Variants in HNF4G observed in about 807,000 individuals in gnomAD.
The protein encoded by HNF4G is hepatocyte nuclear factor 4-gamma.
HNF4G carries 21 observed loss-of-function variants against 50.9 expected under a neutral mutation model. That is an observed-to-expected ratio of 0.41 (90% CI 0.29 to 0.59). The LOEUF (loss-of-function observed/expected upper bound fraction) is 0.59. Among genes scored for constraint, HNF4G ranks in the 20% least tolerant of loss-of-function variants. The pLI is 0.26. For missense variants in HNF4G, 527 were observed against 559.4 expected (o/e 0.94, Z 0.58); for synonymous variants, 198 against 185.6 (o/e 1.07, Z -0.54).
chr8:75,480,525 A>C (rs893694335), intron 1 of HNF4G, among the ~76,000 whole-genome samples: 2 of 152,178 alleles, frequency 1.3e-5, no homozygotes, highest in Admixed American at 1.3e-4. Flanking sequence ...CAACTTTATT[A>C]ATTTTTTGTA....
rs1436855949 is a variant in HNF4G at position 75,565,059 on chromosome 8, T to C, written c.*963T>C. ...AATAACACTTTAGGAGAGATATCAT[T>C]ATCGCTGTTTTATAAATAAGGGAAA... On this transcript the variant is annotated 3_prime_UTR_variant, in exon 10 of 10. Coordinates refer to ENST00000396423, the MANE Select transcript of HNF4G (RefSeq NM_004133.5). The C allele has an allele frequency of 6.6e-6, 1 of 150,712 alleles. No homozygotes were observed. The highest frequency in any genetic ancestry group is 1.5e-5 in the Non-Finnish European group (1 of 66,962). 9.3% of individuals were successfully genotyped at this position (150,712 alleles called of 1,614,324 possible). A position where few individuals can be genotyped will look rare whatever the true frequency, so the allele number is the denominator to read the frequency against.
chr8:75,436,574 T>C (rs1811146738), intron 1 of HNF4G, among the ~76,000 whole-genome samples: 1 of 152,096 alleles, frequency 6.6e-6, no homozygotes, highest in African/African-American at 2.4e-5. Flanking sequence ...TGGTAGTTAA[T>C]ATAGAAAAGA....
chr8:75,485,224 A>G (rs1434054179), intron 1 of HNF4G, among the ~76,000 whole-genome samples: 1 of 152,204 alleles, frequency 6.6e-6, no homozygotes, highest in African/African-American at 2.4e-5. Flanking sequence ...CAAATTCCCT[A>G]TACCAAGTAC....
At chr8:75,523,751 T>C (rs1246840231) in intron 2 of HNF4G, among the ~76,000 whole-genome samples, 5 of 151,848 alleles carry the variant, frequency 3.3e-5, no homozygotes, top group African/African-American at 1.2e-4. Flanking sequence ...TAATACTAAA[T>C]AGAGTATTAA....
At chr8:75,527,432 A>G (rs1439247479) in intron 2 of HNF4G, among the ~76,000 whole-genome samples, 1 of 152,222 alleles carries the variant, frequency 6.6e-6, no homozygotes, top group Non-Finnish European at 1.5e-5. Flanking sequence ...TATTTCTCCT[A>G]GGAGCAGTCG....
intron 1 of HNF4G, among the ~76,000 whole-genome samples, chr8:75,449,796 C>G (rs1044934267): frequency 1.3e-5 from 2 of 152,088 alleles, no homozygotes; most frequent in African/African-American, 2.4e-5. Context: ...CATGAGCCAC[C>G]GCGCCCGGCC....
intron 1 of HNF4G, among the ~76,000 whole-genome samples, chr8:75,472,738 C>A (rs1164794241): frequency 6.6e-6 from 1 of 152,100 alleles, no homozygotes; most frequent in Non-Finnish European, 1.5e-5. Context: ...CATGGATGAT[C>A]ACTGTTTTGG....
chr8:75,418,195 C>T (rs1334472186), intron 1 of HNF4G, among the ~76,000 whole-genome samples: 1 of 152,018 alleles, frequency 6.6e-6, no homozygotes, highest in Admixed American at 6.6e-5. Flanking sequence ...ATGTGGCCGC[C>T]CCTAGATTGG....
intron 1 of HNF4G, among the ~76,000 whole-genome samples, chr8:75,463,459 A>T (rs1415998256): frequency 6.6e-6 from 1 of 152,116 alleles, no homozygotes; most frequent in Non-Finnish European, 1.5e-5. Context: ...TTGACTCCTG[A>T]TTTGAAAGGC....
intron 1 of HNF4G, among the ~76,000 whole-genome samples, chr8:75,472,983 C>T (rs1467175929): frequency 6.6e-6 from 1 of 152,016 alleles, no homozygotes; most frequent in African/African-American, 2.4e-5. Context: ...CATTGTTGGG[C>T]AATGAAATAT....
At chr8:75,546,704 T>G (rs533217645) in intron 2 of HNF4G, among the ~76,000 whole-genome samples, 16 of 152,272 alleles carry the variant, frequency 1.1e-4, no homozygotes, top group Non-Finnish European at 2.4e-4. Context: ...AGTACTTCAT[T>G]CTTATTTACT....
At chr8:75,550,825 G>C (rs544900911) in intron 3 of HNF4G, among the ~76,000 whole-genome samples, 28 of 151,984 alleles carry the variant, frequency 1.8e-4, no homozygotes, top group Non-Finnish European at 3.2e-4. Context: ...TCTCAGGAGA[G>C]ACTGCTCCAT....
intron 3 of HNF4G, 81 bp from the exon 4 acceptor site, chr8:75,551,307 A>T: frequency 1.6e-6 from 1 of 618,324 alleles, no homozygotes; most frequent in Non-Finnish European, 2.7e-6. Context: ...TTTTTTACTT[A>T]AAAAAAAAAC....
chr8:75,450,168 T>C (rs1327528475), intron 1 of HNF4G, among the ~76,000 whole-genome samples: 2 of 152,176 alleles, frequency 1.3e-5, no homozygotes, highest in Admixed American at 6.5e-5. Flanking sequence ...TCACCCATGT[T>C]GTTGGAAATG....
At chr8:75,463,055 CTTGT>C (rs1811889787) in intron 1 of HNF4G, among the ~76,000 whole-genome samples, 1 of 141,100 alleles carries the variant, frequency 7.1e-6, no homozygotes, top group South Asian at 2.1e-4. Flanking sequence ...TCAATGTCTG[CTTGT>C]TTTTTTGTTT....
rs1286008027 is a variant in HNF4G, at chr8:75,558,951, C to A, written c.1037C>A (p.Thr346Lys). The change falls in exon 8 of 10, where the codon ACG becomes AAG. Residue 346 changes from threonine (T) to lysine (K), a missense_variant. Physicochemically the swap from Thr to Lys is moderately conservative, Grantham distance 78 (BLOSUM62 -1). Transcript: ENST00000396423. Reference protein sequence around the residue: ...LLLLPTLQSITWQMIEQIQFV... With the variant: ...LLLLPTLQSIKWQMIEQIQFV... ...CTCCTGCCCACACTGCAGAGCATCA[C>A]GTGGCAAATGATTGAGCAAATACAG... is the stretch of plus-strand genomic sequence containing the variant. The A allele has an allele frequency of 6.2e-7, 1 of 1,613,956 alleles. No homozygotes were observed. The highest frequency in any genetic ancestry group is 1.7e-5 in the Admixed American group (1 of 60,004).
intron 1 of HNF4G, among the ~76,000 whole-genome samples, chr8:75,541,478 A>G (rs1228682493): frequency 6.6e-6 from 1 of 152,130 alleles, no homozygotes; most frequent in African/African-American, 2.4e-5. Flanking sequence ...TTTTAATCCT[A>G]TGTCACATGA....
At chr8:75,439,341 T>C (rs1205343799) in intron 1 of HNF4G, among the ~76,000 whole-genome samples, 1 of 152,064 alleles carries the variant, frequency 6.6e-6, no homozygotes, top group African/African-American at 2.4e-5. Flanking sequence ...TGATGAATTT[T>C]TTACATGTCT....
intron 2 of HNF4G, among the ~76,000 whole-genome samples, chr8:75,518,544 CG>C (rs1273236991): frequency 7.2e-5 from 11 of 151,938 alleles, no homozygotes; most frequent in African/African-American, 2.4e-4. Flanking sequence ...ATGTTTATTG[CG>C]GCACTAAACC....
Sources: gnomAD v4.1 joint callset for allele counts (sites outside exome capture counted in the v4.1 genomes callset) on GRCh38, gnomAD v4.1.1 for gene constraint, MANE v1.5 for transcripts, NCBI Gene and HGNC (gene_info 2026-07-23, HGNC 2026-07-21) for gene names.